GCNT1: variants seen among roughly 807,000 people sequenced by gnomAD.
GCNT1 encodes glucosaminyl (N-acetyl) transferase 1, also known as beta-1,3-galactosyl-O-glycosyl-glycoprotein beta-1,6-N-acetylglucosaminyltransferase.
In GCNT1, 16 loss-of-function variants were observed where a neutral mutation model predicts 26.2. That is an observed-to-expected ratio of 0.61 (90% CI 0.41 to 0.93). GCNT1 has a LOEUF of 0.93. Among genes scored for constraint, GCNT1 ranks in the 40% least tolerant of loss-of-function variants. The probability of loss-of-function intolerance (pLI) is 0.00; values close to 1 mark genes in which losing one functional copy is unlikely to be tolerated. For synonymous variants in GCNT1, 183 were observed against 190.8 expected, an observed-to-expected ratio of 0.96 and a Z score of 0.34; for missense variants, 477 against 526.7, an observed-to-expected ratio of 0.91 and a Z score of 0.92.
chr9:76,453,640 G>C (rs755064563), intron 1 of GCNT1, among the ~76,000 whole-genome samples: 2 of 152,200 alleles, frequency 1.3e-5, no homozygotes, highest in Non-Finnish European at 2.9e-5. Context: ...TAATTCCCTT[G>C]AACAATCCCC....
the GCNT1 span, among the ~76,000 whole-genome samples, chr9:76,403,173 C>G: frequency 6.6e-6 from 1 of 152,124 alleles, no homozygotes; most frequent in Non-Finnish European, 1.5e-5. Flanking sequence ...CCTACAATAT[C>G]AAATGTTTTA....
At chr9:76,427,940 C>T (rs962630131) in intron 1 of GCNT1, among the ~76,000 whole-genome samples, 5 of 152,012 alleles carry the variant, frequency 3.3e-5, no homozygotes, top group African/African-American at 1.2e-4. Context: ...CAAGATCACG[C>T]CACTGTAATC....
chr9:76,421,674 A>ATTTG lies in GCNT1; in HGVS notation n.38+1793_38+1796dup, dbSNP rs1166896311. On this transcript the variant is annotated intron_variant and non_coding_transcript_variant, in intron 1 of 3. Coordinates refer to the GCNT1 transcript ENST00000488136. ...TTAATGTCTTATTGATGGCAACTCAATTTGTTTGTAGGTTGTTTTTTTTTT... is the reference window on the plus strand; with the variant it reads ...TTAATGTCTTATTGATGGCAACTCAATTTGTTTGTTTGTAGGTTGTTTTTTTTTT... Among the ~76,000 whole-genome samples the ATTTG allele has an allele frequency of 6.7e-5, 9 of 133,876 alleles. No homozygotes were observed. The South Asian group carries it at 2.1e-3, about 32-fold the overall frequency. 87.8% of individuals were successfully genotyped at this position (133,876 alleles called of 152,430 possible). A position where few individuals can be genotyped will look rare whatever the true frequency, so the allele number is the denominator to read the frequency against.
At chr9:76,423,264 A>G (rs1372974973) in intron 1 of GCNT1, among the ~76,000 whole-genome samples, 1 of 152,200 alleles carries the variant, frequency 6.6e-6, no homozygotes, top group African/African-American at 2.4e-5. Context: ...TAATGATGCA[A>G]TGCTGTTGGG....
At chr9:76,440,790 G>T (rs1292749000), upstream of GCNT1, among the ~76,000 whole-genome samples, 1 of 152,102 alleles carries the variant, frequency 6.6e-6, no homozygotes, top group Non-Finnish European at 1.5e-5. Context: ...TGCCTGCCGG[G>T]TGCAGTGACT....
chr9:76,441,074 C>A (rs75956008), upstream of GCNT1, among the ~76,000 whole-genome samples: 39,671 of 138,782 alleles, frequency 0.29, 6,359 homozygotes, highest in Non-Finnish European at 0.36. Context: ...CAAAAAAAAA[C>A]AAAAAAACCT....
the GCNT1 span, chr9:76,394,148 G>A: frequency 6.2e-7 from 1 of 1,608,848 alleles, no homozygotes; most frequent in Non-Finnish European, 8.5e-7. Flanking sequence ...CTTGACCCCG[G>A]CAGAAGTAAG....
chr9:76,427,922 C>T (rs1003845018), intron 1 of GCNT1, among the ~76,000 whole-genome samples: 2 of 152,070 alleles, frequency 1.3e-5, no homozygotes, highest in Non-Finnish European at 2.9e-5. Flanking sequence ...GTGGAAGTTG[C>T]AGTGAGCCAA....
chr9:76,483,799 C>T (rs1294735475), intron 2 of GCNT1, among the ~76,000 whole-genome samples: 2 of 152,082 alleles, frequency 1.3e-5, no homozygotes, highest in East Asian at 3.9e-4. Context: ...TCTCTCATCC[C>T]CAAAGTCAAT....
chr9:76,428,220 C>G lies in GCNT1; in HGVS notation n.38+8333C>G, dbSNP rs367750627. On this transcript the variant is annotated intron_variant and non_coding_transcript_variant, in intron 1 of 3. Transcript: ENST00000488136. ...GGTGGAGCTTGCAGTGAGCCGAGATCGTGCTACTGCACTCCGGCCTGGGTA... is the reference window on the plus strand; with the variant it reads ...GGTGGAGCTTGCAGTGAGCCGAGATGGTGCTACTGCACTCCGGCCTGGGTA... Among the ~76,000 whole-genome samples the G allele has an allele frequency of 2.3e-5, 3 of 130,166 alleles. No individual in the cohort carries two copies. The South Asian group carries it at 7.4e-4, about 32-fold the overall frequency. 85.4% of individuals were successfully genotyped at this position (130,166 alleles called of 152,430 possible). A position where few individuals can be genotyped will look rare whatever the true frequency, so the allele number is the denominator to read the frequency against.
At chr9:76,475,162 C>T (rs1015482661) in intron 2 of GCNT1, among the ~76,000 whole-genome samples, 2 of 152,196 alleles carry the variant, frequency 1.3e-5, no homozygotes, top group African/African-American at 4.8e-5. Flanking sequence ...ATGAGAATTA[C>T]TTCATTCTTG....
chr9:76,409,555 C>T, the GCNT1 span, among the ~76,000 whole-genome samples: 17 of 152,218 alleles, frequency 1.1e-4, no homozygotes, highest in Admixed American at 9.8e-4. Flanking sequence ...AAGTGATTCT[C>T]GTGCCTCAGC....
chr9:76,490,401 T>C (rs620295), intron 2 of GCNT1, among the ~76,000 whole-genome samples: 91,564 of 151,952 alleles, frequency 0.6, 28,191 homozygotes, highest in African/African-American at 0.72. Context: ...GTAGATAAAC[T>C]TGATATTCTG....
Position 76,459,238 on chromosome 9 carries a change from C to T in GCNT1, c.-475C>T, listed in dbSNP as rs569060910. 8.3e-4 allele frequency: 127 copies of T among 152,846 alleles called. No individual in the cohort carries two copies. Among genetic ancestry groups the T allele is most frequent in the Non-Finnish European group, 1.4e-3 (99 of 68,490 alleles). The allele number at this position is 152,846 out of a possible 1,614,324, so 9.5% of individuals were successfully genotyped here. A position where few individuals can be genotyped will look rare whatever the true frequency, so the allele number is the denominator to read the frequency against. On this transcript the variant is annotated 5_prime_UTR_variant, in exon 1 of 4. Coordinates refer to ENST00000376730, the MANE Select transcript of GCNT1 (RefSeq NM_001490.5). ...GGAGCGCCTAGAGCGCGGCGCGGGG[C>T]GGGAGCTTGGTGGAGCAGGAGCGGC...
At chr9:76,447,473 G>A (rs1823596000) in intron 1 of GCNT1, among the ~76,000 whole-genome samples, 1 of 152,046 alleles carries the variant, frequency 6.6e-6, no homozygotes, top group African/African-American at 2.4e-5. Context: ...TTAAACTCCT[G>A]GGCTTAAGCG....
intron 1 of GCNT1, among the ~76,000 whole-genome samples, chr9:76,459,682 T>G (rs968699517): frequency 7.9e-5 from 12 of 152,176 alleles, no homozygotes. Context: ...TAACTTCATT[T>G]AACTTCATTG....
chr9:76,478,511 G>A (rs888919752), intron 2 of GCNT1, among the ~76,000 whole-genome samples: 11 of 152,110 alleles, frequency 7.2e-5, no homozygotes, highest in South Asian at 2.1e-4. Context: ...TCACCGGGAG[G>A]GTCCGCAGCT....
At chr9:76,430,538 T>C (rs1447998493) in intron 1 of GCNT1, among the ~76,000 whole-genome samples, 1 of 151,950 alleles carries the variant, frequency 6.6e-6, no homozygotes, top group Non-Finnish European at 1.5e-5. Context: ...CTTGCCACCA[T>C]GTTCGACTAA....
In GCNT1 at chr9:76,503,926, T is replaced by C; in HGVS notation, c.*258T>C. On this transcript the variant is annotated 3_prime_UTR_variant, in exon 4 of 4. Coordinates refer to ENST00000376730, the MANE Select transcript of GCNT1 (RefSeq NM_001490.5). Reference sequence around the variant, plus strand: ...TGAGGCCAGAGCAGGTAGCAAGGCATTGTGGAAAGAGGGGACCAGGGTGGC... The same window carrying C: ...TGAGGCCAGAGCAGGTAGCAAGGCACTGTGGAAAGAGGGGACCAGGGTGGC... 1 of 480,386 alleles carries C rather than the reference T, an allele frequency of 2.1e-6. No individual in the cohort carries two copies. The allele number at this position is 480,386 out of a possible 1,614,324, so 29.8% of individuals were successfully genotyped here.
Sources: allele counts gnomAD v4.1 joint callset (sites outside exome capture counted in the v4.1 genomes callset), GRCh38; gene constraint gnomAD v4.1.1; transcripts MANE v1.5; gene names NCBI Gene and HGNC (gene_info 2026-07-23, HGNC 2026-07-21).